Variants in SYNE1 observed in about 807,000 individuals in gnomAD.
SYNE1 encodes the protein spectrin repeat containing nuclear envelope protein 1, also known as nesprin-1.
In SYNE1, 616 loss-of-function variants were observed where a neutral mutation model predicts 1,111.0. The observed-to-expected ratio is 0.55, with a 90% CI of 0.52 to 0.59. The LOEUF is 0.59. Among genes scored for constraint, SYNE1 ranks in the 20% least tolerant of loss-of-function variants. The pLI, the probability that SYNE1 is intolerant of heterozygous loss-of-function variation, is 0.00. For synonymous variants in SYNE1, 3,855 were observed against 3,825.8 expected, an observed-to-expected ratio of 1.01 and a Z score of -0.28; for missense variants, 10,006 against 10,417.0, an observed-to-expected ratio of 0.96 and a Z score of 1.72.
chr6:152,353,123 A>G, intron 69 of SYNE1, 140 bp downstream of exon 69: 1 of 1,180,800 alleles, frequency 8.5e-7, no homozygotes. Context: ...CCAACTTAGT[A>G]TTTCAAGTAA....
chr6:152,218,610 T>A (rs2079320682), intron 120 of SYNE1, among the ~76,000 whole-genome samples: 1 of 152,238 alleles, frequency 6.6e-6, no homozygotes, highest in East Asian at 1.9e-4. Flanking sequence ...ATTATTTCTA[T>A]GCACCATAAG....
intron 85 of SYNE1, 144 bp from the exon 86 acceptor site, chr6:152,318,407 T>C (rs937742990): frequency 1.1e-5 from 10 of 948,648 alleles, no homozygotes; most frequent in Admixed American, 2.1e-5. Context: ...GTCATTTTTG[T>C]TTCTTCGGTT....
At chr6:152,429,236 AT>A (rs1376621013) in intron 36 of SYNE1, among the ~76,000 whole-genome samples, 1 of 152,042 alleles carries the variant, frequency 6.6e-6, no homozygotes, top group Non-Finnish European at 1.5e-5. Flanking sequence ...CATTTTACAG[AT>A]TAGGAAATCA....
chr6:152,333,944 T>A (rs1205440436), intron 77 of SYNE1, 64 bp downstream of exon 77: 1 of 1,610,530 alleles, frequency 6.2e-7, no homozygotes, highest in African/African-American at 1.3e-5. Flanking sequence ...CATTTTAAAT[T>A]TTTATAGATA....
chr6:152,488,146 C>T (rs1211738896), intron 12 of SYNE1, among the ~76,000 whole-genome samples: 2 of 151,646 alleles, frequency 1.3e-5, no homozygotes, highest in Non-Finnish European at 2.9e-5. Flanking sequence ...ATCTATAAGA[C>T]TGAGTTATGG....
intron 106 of SYNE1, among the ~76,000 whole-genome samples, chr6:152,243,090 A>G (rs2086168608): frequency 1.3e-5 from 2 of 152,250 alleles, no homozygotes; most frequent in South Asian, 4.1e-4. Context: ...TAGATTTGAC[A>G]ACTGTTTTCT....
At chr6:152,415,260 G>A (rs777614902) in intron 41 of SYNE1, among the ~76,000 whole-genome samples, 2 of 152,132 alleles carry the variant, frequency 1.3e-5, no homozygotes, top group African/African-American at 2.4e-5. Flanking sequence ...TCTTTGACCC[G>A]TTTGCTTCTC....
At chr6:152,621,103 G>A (rs887108880) in intron 3 of SYNE1, among the ~76,000 whole-genome samples, 2 of 152,164 alleles carry the variant, frequency 1.3e-5, no homozygotes, top group African/African-American at 4.8e-5. Flanking sequence ...AGTGACTTGA[G>A]CTCATTCCAG....
At chr6:152,554,500 T>C (rs145515862) in intron 3 of SYNE1, among the ~76,000 whole-genome samples, 348 of 152,340 alleles carry the variant, frequency 2.3e-3, no homozygotes, top group African/African-American at 8.0e-3. Context: ...GAAGGGGCCA[T>C]AGCTTTCTTG....
chr6:152,390,962 GAA>G (rs2097607360), intron 52 of SYNE1, among the ~76,000 whole-genome samples: 2 of 152,160 alleles, frequency 1.3e-5, no homozygotes, highest in Non-Finnish European at 2.9e-5. Flanking sequence ...TGAACTCCTA[GAA>G]AATGGGTCCT....
At chr6:152,380,956 A>G (rs766017847) in intron 56 of SYNE1, 50 bp downstream of exon 56, 1 of 1,584,676 alleles carries the variant, frequency 6.3e-7, no homozygotes, top group South Asian at 1.1e-5. Flanking sequence ...ATGAAAGTCA[A>G]AACATTTTTT....
chr6:152,221,689 C>A, intron 117 of SYNE1, 130 bp from the exon 118 acceptor site: 1 of 1,167,344 alleles, frequency 8.6e-7, no homozygotes, highest in Non-Finnish European at 1.2e-6. Context: ...GACTTAGCAC[C>A]AATGCTTTAT....
intron 7 of SYNE1, 136 bp downstream of exon 7, chr6:152,510,875 T>A: frequency 1.2e-6 from 1 of 846,350 alleles, no homozygotes; most frequent in Non-Finnish European, 2.0e-6. Context: ...AGAAACAACG[T>A]ATGTGTGAAA....
intron 128 of SYNE1, among the ~76,000 whole-genome samples, chr6:152,187,755 C>T (rs186913154): frequency 3.9e-5 from 6 of 152,150 alleles, no homozygotes; most frequent in Admixed American, 1.3e-4. Context: ...GATGGAGTTA[C>T]GCTCTTGTTG....
intron 50 of SYNE1, 43 bp from the exon 51 acceptor site, chr6:152,395,714 T>A: frequency 6.2e-7 from 1 of 1,603,966 alleles, no homozygotes; most frequent in Non-Finnish European, 8.5e-7. Flanking sequence ...TACATGCTTG[T>A]TATGATAAAT....
intron 3 of SYNE1, among the ~76,000 whole-genome samples, chr6:152,595,937 C>G (rs2099579785): frequency 6.6e-6 from 1 of 151,784 alleles, no homozygotes. Flanking sequence ...GTCCTTACAT[C>G]TGCTTGTACA....
intron 98 of SYNE1, among the ~76,000 whole-genome samples, chr6:152,272,614 C>T (rs9478308): frequency 0.074 from 11,336 of 152,242 alleles, 491 homozygotes; most frequent in African/African-American, 0.11. Context: ...AAGATCTTCA[C>T]ATAGAGAAGC....
At chr6:152,239,222 C>T (rs751377175) in intron 108 of SYNE1, among the ~76,000 whole-genome samples, 9 of 152,170 alleles carry the variant, frequency 5.9e-5, no homozygotes, top group South Asian at 2.1e-4. Flanking sequence ...TGGCCTATTT[C>T]TACATTTTTC....
chr6:152,603,866 GA>G (rs1565128173), intron 3 of SYNE1, among the ~76,000 whole-genome samples: 1 of 130,590 alleles, frequency 7.7e-6, no homozygotes, highest in Non-Finnish European at 1.6e-5. Context: ...TATATAGATA[GA>G]TATACTATCT....
Sources: gnomAD v4.1 joint callset for allele counts (sites outside exome capture counted in the v4.1 genomes callset) on GRCh38, gnomAD v4.1.1 for gene constraint, MANE v1.5 for transcripts, NCBI Gene and HGNC (gene_info 2026-07-23, HGNC 2026-07-21) for gene names.